MEI4: variants seen among roughly 807,000 people sequenced by gnomAD.
MEI4 encodes the protein meiotic double-stranded break formation protein 4, also known as meiosis-specific protein MEI4.
In MEI4, 27 loss-of-function variants were observed where a neutral mutation model predicts 31.4. The observed-to-expected ratio is 0.86, with a 90% CI of 0.63 to 1.19. MEI4 has a LOEUF of 1.19. Ranked by LOEUF, MEI4 falls within the 50% of genes most tolerant of loss-of-function variation. The pLI, the probability that MEI4 is intolerant of heterozygous loss-of-function variation, is 0.00. For missense variants in MEI4, 329 were observed against 398.9 expected, an observed-to-expected ratio of 0.82 and a Z score of 1.49; for synonymous variants, 122 against 145.4, an observed-to-expected ratio of 0.84 and a Z score of 1.16.
chr6:77,659,407 TGAG>T (rs1201796614), intron 1 of MEI4, among the ~76,000 whole-genome samples: 2 of 151,960 alleles, frequency 1.3e-5, no homozygotes, highest in Non-Finnish European at 2.9e-5. Context: ...AGTAAAAAGA[TGAG>T]GAGTGCTGAA....
At position 77,733,463 on chromosome 6, in the gene MEI4, C is replaced by G. The variant is rs190341960; in HGVS notation, c.233-27667C>G. Among the ~76,000 whole-genome samples the G allele has an allele frequency of 2.6e-5, 4 of 152,064 alleles. No homozygotes were observed. In the East Asian group the frequency reaches 7.7e-4, roughly 29 times the overall value. ...ATGGTAGTTTGTATTTCTGTGTGAT[C>G]GGTGGTGGTATCCCGTTTATCATTT... On this transcript the variant is annotated intron_variant, in intron 2 of 4. Transcript: ENST00000684080.
At chr6:77,770,272 G>A (rs1460905777) in intron 3 of MEI4, among the ~76,000 whole-genome samples, 1 of 151,982 alleles carries the variant, frequency 6.6e-6, no homozygotes, top group African/African-American at 2.4e-5. Context: ...ATTGAACCAT[G>A]AAGAAATTTA....
chr6:77,909,717 C>T (rs892679899), intron 4 of MEI4, among the ~76,000 whole-genome samples: 2 of 152,126 alleles, frequency 1.3e-5, no homozygotes, highest in African/African-American at 4.8e-5. Context: ...ATGAGGCCAG[C>T]ATCATCCTGA....
chr6:77,761,671 T>A lies in MEI4; in HGVS notation c.768+6T>A. On this transcript the variant is annotated splice_donor_region_variant and intron_variant, in intron 3 of 4. Coordinates refer to ENST00000684080, the MANE Select transcript of MEI4 (RefSeq NM_001322247.2). Reference sequence around the variant, plus strand: ...GAAACAATCATATAAATCAGGTGAGTAATAAATCCCTCTTTTATTCCTAAA... The same window carrying A: ...GAAACAATCATATAAATCAGGTGAGAAATAAATCCCTCTTTTATTCCTAAA... The A allele has an allele frequency of 8.2e-7, 1 of 1,226,822 alleles. No individual in the cohort carries two copies. The highest frequency in any genetic ancestry group is 1.0e-6 in the Non-Finnish European group (1 of 983,346). The allele number at this position is 1,226,822 out of a possible 1,614,324, so 76.0% of individuals were successfully genotyped here. A position where few individuals can be genotyped will look rare whatever the true frequency, so the allele number is the denominator to read the frequency against.
At position 77,801,793 on chromosome 6, in the gene MEI4, G is replaced by A. The variant is rs149693700; in HGVS notation, c.769-27138G>A. On this transcript the variant is annotated intron_variant, in intron 3 of 4. Coordinates refer to ENST00000684080, the MANE Select transcript of MEI4 (RefSeq NM_001322247.2). ...CATGTAGTTGAGCGGTTTTGAGTGA[G>A]TTTCTGAATCCTGAGTTGTAGTTTG... 7.8e-3 allele frequency among the ~76,000 whole-genome samples: 1,186 copies of A among 152,282 alleles called. 18 individuals carry two copies. The highest frequency in any genetic ancestry group is 0.027 in the African/African-American group (1,137 of 41,558).
intron 2 of MEI4, among the ~76,000 whole-genome samples, chr6:77,755,825 GGTGTGT>G (rs34181852): frequency 0.038 from 5,494 of 145,240 alleles, 274 homozygotes; most frequent in African/African-American, 0.12. Flanking sequence ...GTGCTGGAAT[GGTGTGT>G]GTGTGTGTGT....
intron 2 of MEI4, among the ~76,000 whole-genome samples, chr6:77,753,554 T>C (rs569150832): frequency 2.0e-5 from 3 of 152,156 alleles, no homozygotes; most frequent in South Asian, 2.1e-4. Context: ...CAATGAGATA[T>C]CACTTCACGC....
rs139596282 is a variant in MEI4, at chr6:77,758,213, T to C, written c.233-2917T>C. Among the ~76,000 whole-genome samples the C allele has an allele frequency of 1.4e-3, 206 of 151,764 alleles. 1 individual carries two copies. Among genetic ancestry groups the C allele is most frequent in the African/African-American group, 4.4e-3 (181 of 41,412 alleles). ...GCCACATGCAGTTCAGTTTGTTTGCTGATCGATCATTTTTCTGGTTACCAC... is the reference window on the plus strand; with the variant it reads ...GCCACATGCAGTTCAGTTTGTTTGCCGATCGATCATTTTTCTGGTTACCAC... On this transcript the variant is annotated intron_variant, in intron 2 of 4. Transcript: ENST00000684080.
intron 2 of MEI4, among the ~76,000 whole-genome samples, chr6:77,740,190 T>C (rs999336940): frequency 6.6e-6 from 1 of 152,234 alleles, no homozygotes; most frequent in Non-Finnish European, 1.5e-5. Flanking sequence ...TCAGTTCTTC[T>C]GCATTTGCTG....
intron 1 of MEI4, among the ~76,000 whole-genome samples, chr6:77,666,286 T>G (rs1322774368): frequency 1.3e-5 from 2 of 152,002 alleles, no homozygotes; most frequent in Non-Finnish European, 2.9e-5. Context: ...CATTGATCAG[T>G]TAGGGTGGGG....
rs143187318 is a variant in MEI4, at chr6:77,924,299, G to A, written c.*953G>A. 3.7e-4 allele frequency: 56 copies of A among 151,846 alleles called. 1 individual carries two copies. The South Asian group carries it at 1.0e-2, about 27-fold the overall frequency. 9.4% of individuals were successfully genotyped at this position (151,846 alleles called of 1,614,324 possible). ...AAGTTAATTAGCATTCCTAAATGTC[G>A]TTGGCATTAAAAGTAATCTTGATAA... On this transcript the variant is annotated 3_prime_UTR_variant, in exon 5 of 5. Transcript: ENST00000684080.
chr6:77,737,266 G>A (rs1767274778), intron 2 of MEI4, among the ~76,000 whole-genome samples: 1 of 152,174 alleles, frequency 6.6e-6, no homozygotes, highest in Non-Finnish European at 1.5e-5. Context: ...AGAGTAATTA[G>A]GCATCAGTGT....
At chr6:77,696,357 A>T (rs961856386) in intron 2 of MEI4, among the ~76,000 whole-genome samples, 24 of 152,144 alleles carry the variant, frequency 1.6e-4, no homozygotes, top group Non-Finnish European at 3.5e-4. Flanking sequence ...TTCAAAGGGA[A>T]TGCTTCCAGT....
rs1003011512 is a variant in MEI4, at chr6:77,679,153, A to T, written c.-14-11505A>T. Among the ~76,000 whole-genome samples the T allele has an allele frequency of 3.9e-5, 6 of 152,208 alleles. No individual in the cohort carries two copies. The East Asian group carries it at 1.2e-3, about 29-fold the overall frequency. On this transcript the variant is annotated intron_variant, in intron 1 of 4. Transcript: ENST00000684080. ...CTAATTTATCATTGAAGAAAGAAAA[A>T]ATTTTAAATATATTTAGTGTAGCCT...
intron 1 of MEI4, among the ~76,000 whole-genome samples, chr6:77,654,745 C>T (rs1012750680): frequency 2.0e-5 from 3 of 151,634 alleles, no homozygotes; most frequent in Non-Finnish European, 4.4e-5. Flanking sequence ...CTCTGCTGTC[C>T]TTGTCCTTTA....
rs1173886623 is a variant in MEI4, at chr6:77,765,688, T to TCA, written c.768+4023_768+4024insCA. 1.8e-3 allele frequency among the ~76,000 whole-genome samples: 273 copies of TCA among 151,026 alleles called. 1 individual carries two copies. The highest frequency in any genetic ancestry group is 3.1e-3 in the Non-Finnish European group (213 of 67,954). On this transcript the variant is annotated intron_variant, in intron 3 of 4. Transcript: ENST00000684080. ...TTGACCCAGCCATCCCATTACTGGG[T>TCA]ATATACCCAAAGGATTATAAATCAT...
chr6:77,845,397 T>G (rs1770460026), intron 4 of MEI4, among the ~76,000 whole-genome samples: 2 of 152,180 alleles, frequency 1.3e-5, no homozygotes, highest in African/African-American at 4.8e-5. Flanking sequence ...TTTATTACTT[T>G]CAAATACTCT....
At chr6:77,888,304 T>A in intron 4 of MEI4, among the ~76,000 whole-genome samples, 1 of 151,188 alleles carries the variant, frequency 6.6e-6, no homozygotes, top group Admixed American at 6.6e-5. Flanking sequence ...CTTTGTTAAT[T>A]GTTTTCTAAT....
Position 77,925,171 on chromosome 6 carries a change from G to A in MEI4, c.*1825G>A, listed in dbSNP as rs111380882. ...CAGCCAACGTAATGATCAGCTAAGA[G>A]ACTTTTGGAGCTACAACAAATTTAT... On this transcript the variant is annotated 3_prime_UTR_variant, in exon 5 of 5. Coordinates refer to ENST00000684080, the MANE Select transcript of MEI4 (RefSeq NM_001322247.2). 163 of 151,908 alleles carry A rather than the reference G, an allele frequency of 1.1e-3. No homozygotes were observed. The highest frequency in any genetic ancestry group is 3.8e-3 in the African/African-American group (157 of 41,480). 9.4% of individuals were successfully genotyped at this position (151,908 alleles called of 1,614,324 possible). A position where few individuals can be genotyped will look rare whatever the true frequency, so the allele number is the denominator to read the frequency against.
Sources: gnomAD v4.1 joint callset for allele counts (sites outside exome capture counted in the v4.1 genomes callset) on GRCh38, gnomAD v4.1.1 for gene constraint, MANE v1.5 for transcripts, NCBI Gene and HGNC (gene_info 2026-07-23, HGNC 2026-07-21) for gene names.